BTRC: variants seen among roughly 807,000 people sequenced by gnomAD.
BTRC encodes beta-transducin repeat containing E3 ubiquitin protein ligase.
Under a neutral mutation model 85.5 loss-of-function variants are expected in BTRC, and 42 were observed. That is an observed-to-expected ratio of 0.49 (90% CI 0.38 to 0.64). The LOEUF (loss-of-function observed/expected upper bound fraction) is 0.64, where lower values mean the gene tolerates loss of function less well. Among genes scored for constraint, BTRC ranks in the 30% least tolerant of loss-of-function variants. The pLI, the probability that BTRC is intolerant of heterozygous loss-of-function variation, is 0.00. For missense variants in BTRC, 594 were observed against 743.5 expected (o/e 0.80, Z 2.34); for synonymous variants, 255 against 263.3 (o/e 0.97, Z 0.30).
intron 1 of BTRC, among the ~76,000 whole-genome samples, chr10:101,357,440 CAAAA>C (rs11294551): frequency 5.8e-5 from 5 of 85,778 alleles, no homozygotes; most frequent in Admixed American, 1.4e-4. Context: ...GACTCTGTCT[CAAAA>C]AAAAAAAAAA....
chr10:101,551,559 C>G (rs955249113), intron 14 of BTRC, among the ~76,000 whole-genome samples: 2 of 152,200 alleles, frequency 1.3e-5, no homozygotes, highest in African/African-American at 4.8e-5. Context: ...ACCTGCTGTT[C>G]TAACCAGTTC....
At chr10:101,458,153 A>G (rs1290042394) in intron 2 of BTRC, among the ~76,000 whole-genome samples, 1 of 152,238 alleles carries the variant, frequency 6.6e-6, no homozygotes, top group Non-Finnish European at 1.5e-5. Flanking sequence ...ACTGTGGCAC[A>G]TCCATACAGT....
chr10:101,408,305 T>A (rs574791353), intron 1 of BTRC, among the ~76,000 whole-genome samples: 55 of 152,186 alleles, frequency 3.6e-4, no homozygotes, highest in South Asian at 8.3e-4. Context: ...TCTTTTTTTT[T>A]AAATTTATTT....
intron 13 of BTRC, among the ~76,000 whole-genome samples, chr10:101,543,506 G>A (rs2062506873): frequency 7.4e-6 from 1 of 135,292 alleles, no homozygotes; most frequent in Admixed American, 7.5e-5. Flanking sequence ...CTCTGCCTTT[G>A]TCATGTTTAG....
chr10:101,378,520 ATTTT>A (rs368968037), intron 1 of BTRC, among the ~76,000 whole-genome samples: 1 of 97,056 alleles, frequency 1.0e-5, no homozygotes, highest in African/African-American at 3.3e-5. Context: ...CCCAATTATA[ATTTT>A]TTTTTTTTTT....
chr10:101,445,809 T>G (rs1944808240), intron 2 of BTRC, among the ~76,000 whole-genome samples: 1 of 152,200 alleles, frequency 6.6e-6, no homozygotes, highest in South Asian at 2.1e-4. Flanking sequence ...GACATGTGTG[T>G]TGTGTACCCT....
At chr10:101,364,467 A>G (rs963344381) in intron 1 of BTRC, among the ~76,000 whole-genome samples, 2 of 151,450 alleles carry the variant, frequency 1.3e-5, no homozygotes, top group Non-Finnish European at 2.9e-5. Context: ...GTCATACATA[A>G]TAACCCAACA....
intron 13 of BTRC, among the ~76,000 whole-genome samples, chr10:101,538,776 G>A (rs1011785028): frequency 1.3e-5 from 2 of 152,028 alleles, no homozygotes; most frequent in South Asian, 2.1e-4. Context: ...GGCCGGGTGC[G>A]GTGGCTCATG....
chr10:101,484,647 G>A (rs1018898581), intron 4 of BTRC, among the ~76,000 whole-genome samples: 1 of 152,134 alleles, frequency 6.6e-6, no homozygotes, highest in African/African-American at 2.4e-5. Flanking sequence ...CATATGGTCC[G>A]TTCTTCACAC....
At chr10:101,505,817 C>T (rs1276916430) in intron 4 of BTRC, among the ~76,000 whole-genome samples, 1 of 151,992 alleles carries the variant, frequency 6.6e-6, no homozygotes, top group East Asian at 1.9e-4. Flanking sequence ...GCTTGACCCC[C>T]CCCATAGATC....
chr10:101,413,345 G>A lies in BTRC; in HGVS notation c.49-17000G>A, dbSNP rs531603543. Among the ~76,000 whole-genome samples the A allele has an allele frequency of 9.9e-5, 15 of 151,688 alleles. No individual in the cohort carries two copies. The East Asian group carries it at 2.5e-3, about 25-fold the overall frequency. On this transcript the variant is annotated intron_variant, in intron 1 of 14. Coordinates refer to ENST00000370187, the MANE Select transcript of BTRC (RefSeq NM_033637.4). Reference sequence around the variant, plus strand: ...TGTTTTGTTTTTTTGACAGAGTCTCGCTCTGTTGCCCAGGCTGGAGTGCAG... The same window carrying A: ...TGTTTTGTTTTTTTGACAGAGTCTCACTCTGTTGCCCAGGCTGGAGTGCAG...
At chr10:101,417,336 T>G (rs1943973571) in intron 1 of BTRC, among the ~76,000 whole-genome samples, 1 of 152,230 alleles carries the variant, frequency 6.6e-6, no homozygotes, top group African/African-American at 2.4e-5. Context: ...TTCATAACAT[T>G]GACATTTTTG....
chr10:101,362,399 AT>A (rs35918683), intron 1 of BTRC, among the ~76,000 whole-genome samples: 33 of 147,990 alleles, frequency 2.2e-4, no homozygotes, highest in Admixed American at 6.8e-4. Flanking sequence ...GGTGCAAGAA[AT>A]TTTTTTTTTT....
intron 3 of BTRC, among the ~76,000 whole-genome samples, chr10:101,472,340 T>C (rs957842191): frequency 4.6e-5 from 7 of 151,748 alleles, no homozygotes; most frequent in Non-Finnish European, 8.8e-5. Flanking sequence ...TCTTTCTTTC[T>C]TGTTTTTGGT....
intron 1 of BTRC, among the ~76,000 whole-genome samples, chr10:101,413,409 G>A (rs894243244): frequency 2.0e-5 from 3 of 152,214 alleles, no homozygotes; most frequent in African/African-American, 7.2e-5. Context: ...CGCCTCCAGG[G>A]TTTACACCAT....
intron 13 of BTRC, among the ~76,000 whole-genome samples, chr10:101,547,752 T>G (rs1472862504): frequency 2.0e-5 from 3 of 152,180 alleles, no homozygotes; most frequent in African/African-American, 7.2e-5. Context: ...TTAAAAAATC[T>G]CGACAAAATA....
intron 2 of BTRC, among the ~76,000 whole-genome samples, chr10:101,440,450 G>A: frequency 6.6e-6 from 1 of 152,124 alleles, no homozygotes; most frequent in Non-Finnish European, 1.5e-5. Context: ...GCTGGGCACT[G>A]TGGCTCATAC....
At chr10:101,541,864 A>T (rs1223674562) in intron 13 of BTRC, among the ~76,000 whole-genome samples, 8 of 151,922 alleles carry the variant, frequency 5.3e-5, no homozygotes, top group Admixed American at 5.3e-4. Context: ...GTGTGTGTGT[A>T]TCTGTGTTTG....
At chr10:101,455,983 A>AACACACACAC (rs745628596) in intron 2 of BTRC, among the ~76,000 whole-genome samples, 14,907 of 95,972 alleles carry the variant, frequency 0.16, 1,419 homozygotes, top group Middle Eastern at 0.3. Flanking sequence ...CTCTACTAAA[A>AACACACACAC]ACACACACAC....
Sources: gnomAD v4.1 joint callset for allele counts (sites outside exome capture counted in the v4.1 genomes callset) on GRCh38, gnomAD v4.1.1 for gene constraint, MANE v1.5 for transcripts, NCBI Gene and HGNC (gene_info 2026-07-23, HGNC 2026-07-21) for gene names.